The following SDK1 variants were observed in gnomAD, a reference collection of about 807,000 sequenced individuals.
SDK1 encodes the protein sidekick cell adhesion molecule 1.
In SDK1, 157 loss-of-function variants were observed where a neutral mutation model predicts 245.5. That is an observed-to-expected ratio of 0.64 (90% CI 0.56 to 0.73). The LOEUF is 0.73. SDK1 is among the 30% of genes least tolerant of loss of function. The pLI, the probability that SDK1 is intolerant of heterozygous loss-of-function variation, is 0.00. For missense variants in SDK1, 3,583 were observed against 3,002.3 expected (o/e 1.19, Z -4.52); for synonymous variants, 1,647 against 1,278.5 (o/e 1.29, Z -6.15).
Position 3,703,005 on chromosome 7 carries a change from T to C in SDK1, c.713+60900T>C, listed in dbSNP as rs893894048. ...TGGTGGAGATATAAATTGGTGCATC[T>C]AGAAAATATTGGAAAATAGTAGTTT... On this transcript the variant is annotated intron_variant, in intron 4 of 44. Coordinates refer to ENST00000404826, the MANE Select transcript of SDK1 (RefSeq NM_152744.4). Among the ~76,000 whole-genome samples the C allele has an allele frequency of 8.5e-5, 12 of 141,854 alleles. No homozygotes were observed. In the East Asian group the frequency reaches 2.5e-3, roughly 29 times the overall value. The allele number at this position is 141,854 out of a possible 152,430, so 93.1% of individuals were successfully genotyped here. A position where few individuals can be genotyped will look rare whatever the true frequency, so the allele number is the denominator to read the frequency against.
At chr7:3,332,086 A>T (rs948059942) in intron 1 of SDK1, among the ~76,000 whole-genome samples, 2 of 152,182 alleles carry the variant, frequency 1.3e-5, no homozygotes, top group African/African-American at 4.8e-5. Flanking sequence ...AAAATACTTT[A>T]TTCAAACTAT....
intron 4 of SDK1, among the ~76,000 whole-genome samples, chr7:3,656,303 C>G (rs936585821): frequency 6.6e-6 from 1 of 152,120 alleles, no homozygotes; most frequent in Non-Finnish European, 1.5e-5. Flanking sequence ...GCCTGTGTAT[C>G]TGCTAGATAG....
At chr7:3,443,670 C>G (rs1780261298) in intron 1 of SDK1, among the ~76,000 whole-genome samples, 3 of 152,194 alleles carry the variant, frequency 2.0e-5, no homozygotes, top group African/African-American at 7.2e-5. Flanking sequence ...TGCTTACTTT[C>G]TTCATTTGTA....
chr7:3,479,436 A>G (rs1213121085), intron 1 of SDK1, among the ~76,000 whole-genome samples: 1 of 151,650 alleles, frequency 6.6e-6, no homozygotes, highest in Non-Finnish European at 1.5e-5. Context: ...AAAAAAAAAA[A>G]AAAAAAAAGA....
intron 35 of SDK1, among the ~76,000 whole-genome samples, chr7:4,189,298 C>T (rs548697595): frequency 6.6e-6 from 1 of 152,110 alleles, no homozygotes; most frequent in East Asian, 1.9e-4. Flanking sequence ...TGTAATGGCT[C>T]GTCCCTGCTC....
intron 44 of SDK1, among the ~76,000 whole-genome samples, chr7:4,250,208 C>G (rs764403058): frequency 6.6e-6 from 1 of 152,228 alleles, no homozygotes; most frequent in Non-Finnish European, 1.5e-5. Flanking sequence ...ATTTGAACCA[C>G]TTTTACGAAG....
chr7:4,238,090 T>C (rs1786292737), intron 42 of SDK1, among the ~76,000 whole-genome samples: 2 of 85,062 alleles, frequency 2.4e-5, no homozygotes, highest in African/African-American at 6.8e-5. Context: ...ATGCAATTGC[T>C]TTTTTTTTTT....
intron 1 of SDK1, among the ~76,000 whole-genome samples, chr7:3,452,549 G>C (rs1780548475): frequency 6.6e-6 from 1 of 152,140 alleles, no homozygotes. Flanking sequence ...CTAATAAAAT[G>C]TCACATTGAG....
At chr7:3,557,147 A>G (rs1026497829) in intron 1 of SDK1, among the ~76,000 whole-genome samples, 2 of 152,108 alleles carry the variant, frequency 1.3e-5, no homozygotes, top group African/African-American at 2.4e-5. Flanking sequence ...CAGTAGAAAA[A>G]AAATCAATGT....
chr7:3,903,168 A>G (rs1424453753), intron 5 of SDK1, among the ~76,000 whole-genome samples: 2 of 148,386 alleles, frequency 1.3e-5, no homozygotes, highest in South Asian at 2.1e-4. Context: ...TTTTTGAGAC[A>G]GACGAGACTC....
intron 4 of SDK1, among the ~76,000 whole-genome samples, chr7:3,721,681 G>A (rs1317897136): frequency 6.6e-6 from 1 of 152,144 alleles, no homozygotes; most frequent in Admixed American, 6.5e-5. Context: ...AGAGTGCATT[G>A]TGTGCTCACT....
At chr7:4,030,837 C>T (rs1324616746) in intron 17 of SDK1, among the ~76,000 whole-genome samples, 2 of 152,122 alleles carry the variant, frequency 1.3e-5, no homozygotes, top group African/African-American at 4.8e-5. Flanking sequence ...TCCGTAGGGC[C>T]TCCTTTAAAG....
chr7:3,321,605 A>G (rs1250045649), intron 1 of SDK1, among the ~76,000 whole-genome samples: 1 of 152,138 alleles, frequency 6.6e-6, no homozygotes, highest in Non-Finnish European at 1.5e-5. Flanking sequence ...CTTTCCAAAG[A>G]AACATTCTTC....
chr7:4,215,646 C>T (rs1486792355), intron 38 of SDK1, among the ~76,000 whole-genome samples: 4 of 152,178 alleles, frequency 2.6e-5, no homozygotes, highest in Admixed American at 1.3e-4. Context: ...AGGACTGCCC[C>T]GCGGTACGGG....
chr7:3,524,304 C>T (rs1783044570), intron 1 of SDK1, among the ~76,000 whole-genome samples: 2 of 152,112 alleles, frequency 1.3e-5, no homozygotes, highest in African/African-American at 4.8e-5. Flanking sequence ...CAAAATCCTA[C>T]TTAGGTTTTA....
chr7:4,085,387 G>C (rs180681143), intron 22 of SDK1, among the ~76,000 whole-genome samples: 4 of 152,188 alleles, frequency 2.6e-5, no homozygotes, highest in African/African-American at 9.6e-5. Flanking sequence ...AATATATTTA[G>C]TTTATACTTA....
chr7:3,530,335 A>C (rs1295871472), intron 1 of SDK1, among the ~76,000 whole-genome samples: 1 of 152,184 alleles, frequency 6.6e-6, no homozygotes, highest in African/African-American at 2.4e-5. Context: ...CACCCCCCGC[A>C]TAAACATTTT....
intron 5 of SDK1, among the ~76,000 whole-genome samples, chr7:3,849,445 G>T (rs1583474412): frequency 6.6e-6 from 1 of 152,210 alleles, no homozygotes; most frequent in Non-Finnish European, 1.5e-5. Flanking sequence ...CAAGAAATTA[G>T]ACTTCCTGGA....
intron 4 of SDK1, among the ~76,000 whole-genome samples, chr7:3,758,137 C>T (rs773472952): frequency 7.9e-5 from 12 of 152,102 alleles, no homozygotes; most frequent in African/African-American, 1.9e-4. Context: ...TCAAAGAATT[C>T]GTGGGCATAT....
Sources: gnomAD v4.1 joint callset for allele counts (sites outside exome capture counted in the v4.1 genomes callset) on GRCh38, gnomAD v4.1.1 for gene constraint, MANE v1.5 for transcripts, NCBI Gene and HGNC (gene_info 2026-07-23, HGNC 2026-07-21) for gene names.